ITPR1: variants seen among roughly 807,000 people sequenced by gnomAD.
ITPR1 encodes the protein inositol 1,4,5-trisphosphate receptor type 1.
Under a neutral mutation model 318.4 loss-of-function variants are expected in ITPR1, and 96 were observed. That is an observed-to-expected ratio of 0.30 (90% CI 0.26 to 0.36). The LOEUF (loss-of-function observed/expected upper bound fraction) is 0.36. Among genes scored for constraint, ITPR1 ranks in the 10% least tolerant of loss-of-function variants. The probability of loss-of-function intolerance (pLI) is 1.00; values close to 1 mark genes in which losing one functional copy is unlikely to be tolerated. For missense variants in ITPR1, 2,440 were observed against 3,460.2 expected, an observed-to-expected ratio of 0.71 and a Z score of 7.40; for synonymous variants, 1,312 against 1,289.9, an observed-to-expected ratio of 1.02 and a Z score of -0.37.
rs190557697 is a variant in ITPR1, at chr3:4,661,311, C to T, written c.1251+224C>T. On this transcript the variant is annotated intron_variant, in intron 14 of 61. Coordinates refer to ENST00000649015, the MANE Select transcript of ITPR1 (RefSeq NM_001378452.1). ...ACAACTTTTTAATTTTATTCCATGG[C>T]TTCTGCCATAATGGTTGAGCAATTT... Among the ~76,000 whole-genome samples the T allele has an allele frequency of 4.3e-4, 65 of 152,316 alleles. No homozygotes were observed. The East Asian group carries it at 0.01, about 24-fold the overall frequency.
At chr3:4,643,950 A>G (rs948445594) in intron 7 of ITPR1, among the ~76,000 whole-genome samples, 186 bp from the exon 8 acceptor site, 3 of 152,116 alleles carry the variant, frequency 2.0e-5, no homozygotes, top group Non-Finnish European at 4.4e-5. Context: ...TAGCCTTGTA[A>G]ACATGACCCC....
chr3:4,653,170 T>G (rs992414725), intron 11 of ITPR1, among the ~76,000 whole-genome samples: 1 of 152,158 alleles, frequency 6.6e-6, no homozygotes, highest in Non-Finnish European at 1.5e-5. Context: ...TAGTCGTGCA[T>G]CAAAAGACCC....
At chr3:4,582,421 G>T (rs999746477) in intron 4 of ITPR1, among the ~76,000 whole-genome samples, 1 of 152,106 alleles carries the variant, frequency 6.6e-6, no homozygotes, top group Non-Finnish European at 1.5e-5. Context: ...GTGAAGGGAC[G>T]GATGGTCACC....
intron 44 of ITPR1, among the ~76,000 whole-genome samples, chr3:4,742,867 T>C (rs2043808573): frequency 6.6e-6 from 1 of 152,248 alleles, no homozygotes; most frequent in African/African-American, 2.4e-5. Context: ...TAGTGGTTTA[T>C]CATCCAGCAG....
intron 5 of ITPR1, among the ~76,000 whole-genome samples, chr3:4,629,230 G>C (rs1160839467): frequency 6.6e-6 from 1 of 151,556 alleles, no homozygotes; most frequent in East Asian, 1.9e-4. Context: ...TTTATTTTTT[G>C]AGCACCTCAG....
Position 4,697,221 on chromosome 3 carries a change from C to T in ITPR1, c.4356C>T (p.Thr1452=). The change falls in exon 34 of 62, where the codon ACC becomes ACT. Residue 1452 remains threonine (T), a synonymous_variant. Transcript: ENST00000649015. The part of the protein sequence containing the change: ...DTEVEMKEIY[T]SNHMWKLFEN... ...AGGTGGAAATGAAGGAGATTTATAC[C>T]AGCAATCACATGTGGAAATTGTTTG... 6.3e-7 allele frequency: 1 copy of T among 1,589,346 alleles called. No homozygotes were observed. The highest frequency in any genetic ancestry group is 8.6e-7 in the Non-Finnish European group (1 of 1,166,890).
At chr3:4,686,441 C>T (rs1405761014) in intron 30 of ITPR1, among the ~76,000 whole-genome samples, 2 of 152,180 alleles carry the variant, frequency 1.3e-5, no homozygotes, top group African/African-American at 4.8e-5. Context: ...AGACTAGAAC[C>T]AACAAGCTGA....
intron 30 of ITPR1, among the ~76,000 whole-genome samples, chr3:4,687,576 A>G (rs1203324270): frequency 6.6e-6 from 1 of 152,196 alleles, no homozygotes; most frequent in Non-Finnish European, 1.5e-5. Flanking sequence ...TAGGAAGACT[A>G]TTGTGGGCTG....
chr3:4,665,133 A>G lies in ITPR1; in HGVS notation c.1555-5A>G. 1 of 1,613,986 alleles carries G rather than the reference A, an allele frequency of 6.2e-7. No homozygotes were observed. The highest frequency in any genetic ancestry group is 8.5e-7 in the Non-Finnish European group (1 of 1,179,864). On this transcript the variant is annotated splice_polypyrimidine_tract_variant and splice_region_variant and intron_variant, in intron 16 of 61. Transcript: ENST00000649015. Reference sequence around the variant, plus strand: ...GCCATTTTTGCTTTTCATTTTCACAAACAGATCTTCAAGTTGTTACAAGCC... The same window carrying G: ...GCCATTTTTGCTTTTCATTTTCACAGACAGATCTTCAAGTTGTTACAAGCC...
In ITPR1 at chr3:4,782,717, C is replaced by G; in HGVS notation, c.6486C>G (p.His2162Gln). The change falls in exon 50 of 62, where the codon CAC becomes CAG. Residue 2162 changes from histidine to glutamine, a missense_variant. Coordinates refer to ENST00000649015, the MANE Select transcript of ITPR1 (RefSeq NM_001378452.1). ...CGGCGTCCCCCAGGAACGTGGGGCA[C>G]AACATCTACATATTAGCCCATCAGG... The part of the protein sequence containing the change: ...DGAASPRNVG[H>Q]NIYILAHQLA... 1 of 1,585,734 alleles carries G rather than the reference C, an allele frequency of 6.3e-7. No individual in the cohort carries two copies. The highest frequency in any genetic ancestry group is 8.6e-7 in the Non-Finnish European group (1 of 1,165,492).
chr3:4,644,295 G>A (rs2093405062), intron 8 of ITPR1, 61 bp downstream of exon 8: 13 of 1,110,236 alleles, frequency 1.2e-5, no homozygotes, highest in Non-Finnish European at 1.7e-5. Flanking sequence ...TCTGGCAGGC[G>A]CCAGTGCATG....
At position 4,806,105 on chromosome 3, in the gene ITPR1, A is replaced by G. The variant is rs1456197775; in HGVS notation, c.7110A>G (p.Val2370=). The G allele has an allele frequency of 1.2e-6, 2 of 1,613,086 alleles. No individual in the cohort carries two copies. Among genetic ancestry groups the G allele is most frequent in the Admixed American group, 3.3e-5 (2 of 59,944 alleles). ...ACTGTTCCTGTCATTGTTCTCAGGT[A>G]TGCAATAAAATCATCTTTCTAATGA... The part of the protein sequence containing the change: ...PTLFLLGAFN[V]CNKIIFLMSF... Residue 2370 remains valine (V), a splice_region_variant and synonymous_variant, in exon 55 of 62, where the codon GTA becomes GTG. Transcript: ENST00000649015.
At chr3:4,600,779 T>A (rs1374642872) in intron 4 of ITPR1, among the ~76,000 whole-genome samples, 1 of 152,060 alleles carries the variant, frequency 6.6e-6, no homozygotes, top group Non-Finnish European at 1.5e-5. Context: ...TAAAATTGAT[T>A]CACTCCCCAC....
At chr3:4,533,541 T>C (rs1389413296) in intron 4 of ITPR1, among the ~76,000 whole-genome samples, 1 of 152,138 alleles carries the variant, frequency 6.6e-6, no homozygotes, top group Non-Finnish European at 1.5e-5. Context: ...CAGTGAAGAG[T>C]GGCTATTGTG....
chr3:4,684,419 A>G, intron 29 of ITPR1, 73 bp downstream of exon 29: 1 of 1,067,146 alleles, frequency 9.4e-7, no homozygotes, highest in Non-Finnish European at 1.4e-6. Flanking sequence ...GTGATAGTCA[A>G]GTTGAAGGTA....
chr3:4,658,937 T>C (rs575640089), intron 13 of ITPR1, among the ~76,000 whole-genome samples: 1 of 152,276 alleles, frequency 6.6e-6, no homozygotes, highest in South Asian at 2.1e-4. Flanking sequence ...TGTTATATAA[T>C]TTCATCTTTC....
In ITPR1 at chr3:4,710,696, A is replaced by C; in HGVS notation, c.4991+223A>C. 6.6e-6 allele frequency among the ~76,000 whole-genome samples: 1 copy of C among 151,840 alleles called. No individual in the cohort carries two copies. On this transcript the variant is annotated intron_variant, in intron 38 of 61. Coordinates refer to ENST00000649015, the MANE Select transcript of ITPR1 (RefSeq NM_001378452.1). The surrounding 1 kb of genome is among the most constrained non-coding windows in gnomAD (Gnocchi z 4.2). ...TTGTTTTGCTTTGTTTTTTGGTGAG[A>C]AGTTCTTATTTTCACTGCATGCCCA...
chr3:4,759,190 G>A (rs1449006110), intron 44 of ITPR1, among the ~76,000 whole-genome samples: 2 of 152,264 alleles, frequency 1.3e-5, no homozygotes, highest in African/African-American at 2.4e-5. Flanking sequence ...AAGCAAGGCA[G>A]GCTCGTCATA....
intron 4 of ITPR1, among the ~76,000 whole-genome samples, chr3:4,600,567 A>T (rs1335289913): frequency 6.6e-6 from 1 of 151,930 alleles, no homozygotes; most frequent in African/African-American, 2.4e-5. Flanking sequence ...TTCGCCTCTA[A>T]ATTGAGAACA....
Sources: allele counts gnomAD v4.1 joint callset (sites outside exome capture counted in the v4.1 genomes callset), GRCh38; gene constraint gnomAD v4.1.1; non-coding constraint Gnocchi (gnomAD v3.1); transcripts MANE v1.5; gene names NCBI Gene and HGNC (gene_info 2026-07-23, HGNC 2026-07-21).